PDE4B: variants seen among roughly 807,000 people sequenced by gnomAD.
The protein encoded by PDE4B is 3',5'-cyclic-AMP phosphodiesterase 4B.
In PDE4B, 20 loss-of-function variants were observed where a neutral mutation model predicts 82.2. The ratio of observed to expected loss-of-function variants is 0.24; its 90% CI spans 0.17 to 0.35. The LOEUF is 0.35. Ranked by LOEUF, PDE4B falls within the 10% of genes least tolerant of loss-of-function variation. The pLI is 1.00. For missense variants in PDE4B, 655 were observed against 907.2 expected (o/e 0.72, Z 3.57); for synonymous variants, 320 against 318.9 (o/e 1.00, Z -0.04).
intron 7 of PDE4B, among the ~76,000 whole-genome samples, chr1:66,310,126 C>T (rs920167452): frequency 6.6e-6 from 1 of 152,176 alleles, no homozygotes; most frequent in African/African-American, 2.4e-5. Context: ...TCTCTGCTCC[C>T]AGATTCTCAG....
intron 3 of PDE4B, among the ~76,000 whole-genome samples, chr1:65,956,522 T>C (rs183968858): frequency 6.6e-6 from 1 of 152,254 alleles, no homozygotes; most frequent in African/African-American, 2.4e-5. Context: ...GATGTAGATA[T>C]AGAAAGAAGT....
chr1:65,802,893 A>G (rs1020065491), intron 1 of PDE4B, among the ~76,000 whole-genome samples: 2 of 152,170 alleles, frequency 1.3e-5, no homozygotes, highest in African/African-American at 4.8e-5. Flanking sequence ...TAATGATGAC[A>G]TATATAAGTG....
intron 3 of PDE4B, among the ~76,000 whole-genome samples, chr1:66,087,861 A>C (rs1220368822): frequency 9.8e-6 from 1 of 101,872 alleles, no homozygotes; most frequent in Admixed American, 1.5e-4. Flanking sequence ...CACTCTGGGG[A>C]CTGTTGTGGG....
intron 3 of PDE4B, among the ~76,000 whole-genome samples, chr1:65,987,295 C>T (rs1434842840): frequency 6.6e-6 from 1 of 151,930 alleles, no homozygotes; most frequent in Non-Finnish European, 1.5e-5. Context: ...TTCTGAAGCA[C>T]CATTTTCCTA....
rs142592925 is a variant in PDE4B at position 66,254,461 on chromosome 1, A to G, written c.477-3186A>G. Among the ~76,000 whole-genome samples the G allele has an allele frequency of 9.9e-5, 15 of 152,208 alleles. No homozygotes were observed. In the East Asian group the frequency reaches 2.9e-3, roughly 29 times the overall value. ...GCTCTTCCTTTGGCTCCCTATTTAT[A>G]TGTACCCCCACCTCATGGGGCCACT... On this transcript the variant is annotated intron_variant, in intron 4 of 16. Coordinates refer to ENST00000341517, the MANE Select transcript of PDE4B (RefSeq NM_002600.4).
intron 7 of PDE4B, among the ~76,000 whole-genome samples, chr1:66,292,482 G>A (rs1370712140): frequency 2.6e-5 from 4 of 152,166 alleles, no homozygotes; most frequent in Non-Finnish European, 5.9e-5. Flanking sequence ...ATAAATCACA[G>A]CTTTGCTACT....
chr1:66,032,090 C>T (rs1466696884), intron 3 of PDE4B, among the ~76,000 whole-genome samples: 1 of 152,186 alleles, frequency 6.6e-6, no homozygotes, highest in African/African-American at 2.4e-5. Flanking sequence ...GGCTTGTTAC[C>T]AACAGCAGGT....
At chr1:65,862,612 T>A (rs1465082606) in intron 1 of PDE4B, among the ~76,000 whole-genome samples, 1 of 152,190 alleles carries the variant, frequency 6.6e-6, no homozygotes, top group Non-Finnish European at 1.5e-5. Flanking sequence ...TGGAATAGTT[T>A]CAGAAGGAAT....
At chr1:66,198,225 T>C (rs1363944633) in intron 3 of PDE4B, among the ~76,000 whole-genome samples, 1 of 152,188 alleles carries the variant, frequency 6.6e-6, no homozygotes, top group African/African-American at 2.4e-5. Flanking sequence ...AAATCATTTC[T>C]TAAACCTAAT....
intron 3 of PDE4B, among the ~76,000 whole-genome samples, chr1:66,068,584 A>G (rs1157777015): frequency 2.0e-5 from 3 of 151,998 alleles, no homozygotes; most frequent in African/African-American, 7.2e-5. Flanking sequence ...TTGGGGCAAT[A>G]AAATAATATA....
intron 3 of PDE4B, among the ~76,000 whole-genome samples, chr1:66,003,591 C>T (rs565144124): frequency 1.3e-5 from 2 of 152,176 alleles, no homozygotes; most frequent in Non-Finnish European, 2.9e-5. Context: ...CTCCTTCCAT[C>T]CTTTCTGATC....
At chr1:66,186,912 A>G (rs1403667384) in intron 3 of PDE4B, among the ~76,000 whole-genome samples, 1 of 152,188 alleles carries the variant, frequency 6.6e-6, no homozygotes, top group Non-Finnish European at 1.5e-5. Context: ...GTCTTGTGCC[A>G]GTTTTCAAAG....
intron 3 of PDE4B, among the ~76,000 whole-genome samples, chr1:66,106,134 G>A (rs1277112230): frequency 6.6e-6 from 1 of 152,190 alleles, no homozygotes; most frequent in Non-Finnish European, 1.5e-5. Flanking sequence ...AATTTATTGA[G>A]AGTTTTTAGC....
At chr1:65,893,127 C>A (rs934664305) in intron 1 of PDE4B, among the ~76,000 whole-genome samples, 3 of 151,896 alleles carry the variant, frequency 2.0e-5, no homozygotes, top group South Asian at 2.1e-4. Context: ...ATTGTTTTTT[C>A]CCCACCAGTC....
At chr1:66,223,866 G>A (rs531921944) in intron 3 of PDE4B, among the ~76,000 whole-genome samples, 3 of 152,118 alleles carry the variant, frequency 2.0e-5, no homozygotes, top group South Asian at 2.1e-4. Context: ...TCACACCCTC[G>A]AATTCACTGA....
chr1:66,038,397 G>A (rs1476709462), intron 3 of PDE4B, among the ~76,000 whole-genome samples: 1 of 152,084 alleles, frequency 6.6e-6, no homozygotes, highest in Non-Finnish European at 1.5e-5. Context: ...GCAGAGTGTA[G>A]AATCAGAGAT....
rs142301020 is a variant in PDE4B, at chr1:66,053,206, C to T, written c.281+134371C>T. On this transcript the variant is annotated intron_variant, in intron 3 of 16. Transcript: ENST00000341517. ...CATTAGCGTGTACAAAATACTTTTA[C>T]GTATGTGTATTAAATGTTTGTTGAA... Among the ~76,000 whole-genome samples, 12 of 152,172 alleles carry T rather than the reference C, an allele frequency of 7.9e-5. No homozygotes were observed. The East Asian group carries it at 1.7e-3, about 22-fold the overall frequency.
intron 6 of PDE4B, among the ~76,000 whole-genome samples, chr1:66,258,363 G>T (rs1654413454): frequency 6.6e-6 from 1 of 152,164 alleles, no homozygotes; most frequent in South Asian, 2.1e-4. Context: ...TTAATTATAT[G>T]ATCTTGGCAT....
At chr1:65,926,163 C>A (rs1647488377) in intron 3 of PDE4B, among the ~76,000 whole-genome samples, 1 of 152,158 alleles carries the variant, frequency 6.6e-6, no homozygotes, top group African/African-American at 2.4e-5. Context: ...ATCCTCAGGG[C>A]AAAAGCAACT....
Sources: allele counts gnomAD v4.1 joint callset (sites outside exome capture counted in the v4.1 genomes callset), GRCh38; gene constraint gnomAD v4.1.1; transcripts MANE v1.5; gene names NCBI Gene and HGNC (gene_info 2026-07-23, HGNC 2026-07-21).